Variants in CADM2 observed in about 807,000 individuals in gnomAD.
The protein encoded by CADM2 is cell adhesion molecule 2.
A neutral mutation model predicts 49.8 loss-of-function variants in CADM2; 12 were observed. That is an observed-to-expected ratio of 0.24 (90% CI 0.15 to 0.39). The LOEUF is 0.39. Among genes scored for constraint, CADM2 ranks in the 10% least tolerant of loss-of-function variants. CADM2 has a pLI of 1.00. For missense variants in CADM2, 378 were observed against 492.3 expected, an observed-to-expected ratio of 0.77 and a Z score of 2.20; for synonymous variants, 214 against 175.4, an observed-to-expected ratio of 1.22 and a Z score of -1.74.
At chr3:85,878,761 G>C (rs186431358) in intron 3 of CADM2, among the ~76,000 whole-genome samples, 53 of 152,178 alleles carry the variant, frequency 3.5e-4, no homozygotes, top group Middle Eastern at 3.4e-3. Context: ...GAGCAATTCA[G>C]TTTAACTTTG....
intron 1 of CADM2, among the ~76,000 whole-genome samples, chr3:85,212,281 T>C (rs897872163): frequency 6.6e-6 from 1 of 152,146 alleles, no homozygotes; most frequent in Non-Finnish European, 1.5e-5. Context: ...AGTGTTGTTA[T>C]TGATAAGTAA....
intron 1 of CADM2, among the ~76,000 whole-genome samples, chr3:85,516,662 A>G (rs2060910811): frequency 6.6e-6 from 1 of 151,864 alleles, no homozygotes; most frequent in Admixed American, 6.6e-5. Context: ...AAGAGATGAC[A>G]TGAAACATGT....
intron 3 of CADM2, among the ~76,000 whole-genome samples, chr3:85,869,822 T>C (rs2075854637): frequency 6.6e-6 from 1 of 151,946 alleles, no homozygotes; most frequent in Non-Finnish European, 1.5e-5. Context: ...CCACGGGGCC[T>C]GGCTAATTTT....
intron 1 of CADM2, among the ~76,000 whole-genome samples, chr3:85,613,132 T>G (rs1398204343): frequency 6.6e-6 from 1 of 151,770 alleles, no homozygotes. Context: ...AAAGCTCTTT[T>G]CTAATGTATG....
chr3:85,046,896 C>T (rs1214029585), intron 1 of CADM2, among the ~76,000 whole-genome samples: 2 of 151,942 alleles, frequency 1.3e-5, no homozygotes, highest in Admixed American at 6.6e-5. Context: ...GATCAATACA[C>T]GTCATACATA....
intron 2 of CADM2, among the ~76,000 whole-genome samples, chr3:85,784,822 C>T (rs1467056313): frequency 6.6e-6 from 1 of 151,878 alleles, no homozygotes; most frequent in African/African-American, 2.4e-5. Flanking sequence ...GGAAGTATTC[C>T]CTCCTCCTTG....
At chr3:85,702,422 TA>T (rs2066809316) in intron 1 of CADM2, among the ~76,000 whole-genome samples, 2 of 152,154 alleles carry the variant, frequency 1.3e-5, no homozygotes, top group African/African-American at 4.8e-5. Context: ...CTAGAAGGCT[TA>T]AAAAATGATT....
chr3:85,809,687 CCTTCCT>C, intron 3 of CADM2, among the ~76,000 whole-genome samples: 1 of 126,972 alleles, frequency 7.9e-6, no homozygotes. Context: ...TTCCTTCCTT[CCTTCCT>C]TCCTTCCTTC....
At chr3:85,071,648 T>C (rs1233130815) in intron 1 of CADM2, among the ~76,000 whole-genome samples, 2 of 152,130 alleles carry the variant, frequency 1.3e-5, no homozygotes, top group Non-Finnish European at 2.9e-5. Context: ...TTTAAGACCT[T>C]TGAACAATGG....
chr3:85,742,617 A>G (rs1185907465), intron 2 of CADM2, among the ~76,000 whole-genome samples: 1 of 152,238 alleles, frequency 6.6e-6, no homozygotes, highest in Non-Finnish European at 1.5e-5. Context: ...TGGAGAAATC[A>G]TGAAATATAA....
intron 8 of CADM2, among the ~76,000 whole-genome samples, chr3:86,055,391 G>A (rs191721730): frequency 1.0e-4 from 15 of 147,264 alleles, no homozygotes; most frequent in Admixed American, 8.8e-4. Flanking sequence ...ATAGTGTAGT[G>A]TATTCTCTGT....
At chr3:85,740,565 CT>C (rs1043228195) in intron 2 of CADM2, among the ~76,000 whole-genome samples, 4 of 151,946 alleles carry the variant, frequency 2.6e-5, no homozygotes, top group African/African-American at 7.2e-5. Flanking sequence ...TTTTTTGCTT[CT>C]TTTTTTCTTT....
chr3:85,203,345 ATAT>A (rs1229623692), intron 1 of CADM2, among the ~76,000 whole-genome samples: 1 of 152,086 alleles, frequency 6.6e-6, no homozygotes, highest in Non-Finnish European at 1.5e-5. Context: ...AATAATTTTA[ATAT>A]TATTGTGTGC....
At chr3:85,264,096 C>G (rs1368339495) in intron 1 of CADM2, among the ~76,000 whole-genome samples, 2 of 152,062 alleles carry the variant, frequency 1.3e-5, no homozygotes, top group African/African-American at 4.8e-5. Context: ...ACCTATGGGC[C>G]TGACCTTTCT....
Position 85,446,991 on chromosome 3 carries a change from C to CATATATATAT in CADM2, c.62-279500_62-279491dup, listed in dbSNP as rs141177883. 1.9e-3 allele frequency among the ~76,000 whole-genome samples: 101 copies of CATATATATAT among 54,550 alleles called. 3 individuals carry two copies. Among genetic ancestry groups the CATATATATAT allele is most frequent in the Non-Finnish European group, 2.4e-3 (67 of 27,500 alleles). 35.8% of individuals were successfully genotyped at this position (54,550 alleles called of 152,430 possible). On this transcript the variant is annotated intron_variant, in intron 1 of 9. Coordinates refer to ENST00000383699, the MANE Select transcript of CADM2 (RefSeq NM_001167675.2). ...AATGACTTAAGCCTAATATGTATTG[C>CATATATATAT]ATATATATATATATATATATATATA... is the stretch of plus-strand genomic sequence containing the variant.
intron 1 of CADM2, among the ~76,000 whole-genome samples, chr3:85,448,458 T>C (rs1380231598): frequency 2.6e-5 from 4 of 152,110 alleles, no homozygotes; most frequent in Non-Finnish European, 5.9e-5. Context: ...ATCTTGCATA[T>C]GGATGTCTTC....
intron 1 of CADM2, among the ~76,000 whole-genome samples, chr3:85,537,574 G>C (rs2061452136): frequency 6.6e-6 from 1 of 151,662 alleles, no homozygotes; most frequent in African/African-American, 2.4e-5. Flanking sequence ...TCCACAAATA[G>C]AATCATCAAA....
chr3:85,940,244 AAGG>A (rs1207383406), intron 7 of CADM2, among the ~76,000 whole-genome samples: 4 of 151,476 alleles, frequency 2.6e-5, no homozygotes, highest in Admixed American at 6.6e-5. Flanking sequence ...GAGGTTGAGC[AAGG>A]AGAATTGCTT....
chr3:85,491,826 C>A (rs1231484145), intron 1 of CADM2, among the ~76,000 whole-genome samples: 2 of 151,976 alleles, frequency 1.3e-5, no homozygotes, highest in Admixed American at 6.6e-5. Context: ...GTGGCAGGTG[C>A]CTGTAGTCCC....
Sources: gnomAD v4.1 joint callset for allele counts (sites outside exome capture counted in the v4.1 genomes callset) on GRCh38, gnomAD v4.1.1 for gene constraint, MANE v1.5 for transcripts, NCBI Gene and HGNC (gene_info 2026-07-23, HGNC 2026-07-21) for gene names.